Variants in MECOM observed in about 807,000 individuals in gnomAD.
The protein encoded by MECOM is MDS1 and EVI1 complex locus.
A neutral mutation model predicts 116.3 loss-of-function variants in MECOM; 13 were observed. The ratio of observed to expected loss-of-function variants is 0.11; its 90% CI spans 0.07 to 0.18. The LOEUF (loss-of-function observed/expected upper bound fraction) is 0.18, where lower values mean the gene tolerates loss of function less well. Among genes scored for constraint, MECOM ranks in the 10% least tolerant of loss-of-function variants. MECOM has a pLI of 1.00. For synonymous variants in MECOM, 528 were observed against 535.2 expected (o/e 0.99, Z 0.19); for missense variants, 1,299 against 1,509.0 (o/e 0.86, Z 2.31).
At chr3:169,550,894 G>A (rs1761310306) in intron 1 of MECOM, among the ~76,000 whole-genome samples, 1 of 90,494 alleles carries the variant, frequency 1.1e-5, no homozygotes, top group African/African-American at 3.4e-5. Context: ...CGGGATCTCG[G>A]CTCACTGCAA....
chr3:169,505,892 T>C (rs1321777861), intron 1 of MECOM, among the ~76,000 whole-genome samples: 1 of 152,204 alleles, frequency 6.6e-6, no homozygotes, highest in East Asian at 1.9e-4. Context: ...AGGCTCTCAC[T>C]GCCTCCTTTA....
intron 2 of MECOM, among the ~76,000 whole-genome samples, chr3:169,332,892 C>T: frequency 6.6e-6 from 1 of 152,052 alleles, no homozygotes; most frequent in East Asian, 1.9e-4. Flanking sequence ...TATGCTAACC[C>T]ATGCATGGAG....
At chr3:169,448,639 G>C (rs1273569731) in intron 1 of MECOM, among the ~76,000 whole-genome samples, 2 of 152,160 alleles carry the variant, frequency 1.3e-5, no homozygotes, top group Admixed American at 6.6e-5. Flanking sequence ...GGCCTGGGAA[G>C]AGGAGTTTGC....
At chr3:169,375,975 T>C (rs1295609170) in intron 2 of MECOM, among the ~76,000 whole-genome samples, 1 of 152,070 alleles carries the variant, frequency 6.6e-6, no homozygotes, top group Non-Finnish European at 1.5e-5. Flanking sequence ...AGAAAGCTTA[T>C]CCACTACGAT....
At chr3:169,146,758 G>A in intron 2 of MECOM, 1 of 1,182,830 alleles carries the variant, frequency 8.5e-7, no homozygotes, top group African/African-American at 1.6e-5. Context: ...AGCAATAATA[G>A]GCATTCACAG....
At chr3:169,341,443 A>G (rs1724502051) in intron 2 of MECOM, among the ~76,000 whole-genome samples, 1 of 151,358 alleles carries the variant, frequency 6.6e-6, no homozygotes, top group South Asian at 2.1e-4. Flanking sequence ...AAAAAAAAAA[A>G]AAAAAAACAC....
chr3:169,238,122 C>T (rs562796562), intron 2 of MECOM, among the ~76,000 whole-genome samples: 117 of 145,812 alleles, frequency 8.0e-4, no homozygotes, highest in African/African-American at 2.7e-3. Flanking sequence ...TTGGAGTGAG[C>T]TGAGATCATG....
rs1711933508 is a variant in MECOM, at chr3:169,281,277, G to C, written c.375+99910C>G. On this transcript the variant is annotated intron_variant, in intron 2 of 16. Coordinates refer to ENST00000651503, the MANE Select transcript of MECOM (RefSeq NM_004991.4). Reference sequence around the variant, plus strand: ...TCTGAGGAGTACTAACGTAGAGGAAGTATCTCTGGGTGTAGAAATAGCGGG... The same window carrying C: ...TCTGAGGAGTACTAACGTAGAGGAACTATCTCTGGGTGTAGAAATAGCGGG... Among the ~76,000 whole-genome samples the C allele has an allele frequency of 2.6e-5, 4 of 152,154 alleles. No individual in the cohort carries two copies. The South Asian group carries it at 8.3e-4, about 31-fold the overall frequency.
At chr3:169,454,222 A>T (rs1746086661) in intron 1 of MECOM, among the ~76,000 whole-genome samples, 1 of 152,174 alleles carries the variant, frequency 6.6e-6, no homozygotes, top group South Asian at 2.1e-4. Flanking sequence ...TGTTACAGAG[A>T]AATTGTTCAA....
chr3:169,302,003 G>A (rs1716801575), intron 2 of MECOM, among the ~76,000 whole-genome samples: 1 of 152,132 alleles, frequency 6.6e-6, no homozygotes, highest in South Asian at 2.1e-4. Context: ...TCAAAGAGGG[G>A]TTTTTAGTGA....
chr3:169,623,934 C>G (rs1005395300), intron 1 of MECOM: 9 of 152,198 alleles, frequency 5.9e-5, no homozygotes, highest in African/African-American at 2.2e-4. Flanking sequence ...ATTGCTTTCC[C>G]AAGCTGCTCA....
At chr3:169,197,852 G>A (rs1469268816) in intron 2 of MECOM, among the ~76,000 whole-genome samples, 4 of 151,996 alleles carry the variant, frequency 2.6e-5, no homozygotes, top group Non-Finnish European at 4.4e-5. Flanking sequence ...CCCTCAGAAA[G>A]AGGTAGCAAC....
chr3:169,194,710 G>A (rs749085192), intron 2 of MECOM, among the ~76,000 whole-genome samples: 1 of 152,020 alleles, frequency 6.6e-6, no homozygotes, highest in Non-Finnish European at 1.5e-5. Context: ...ATCACCAGGA[G>A]TCCTAGTGCC....
At position 169,250,429 on chromosome 3, in the gene MECOM, A is replaced by G. The variant is rs192318090; in HGVS notation, c.376-106597T>C. On this transcript the variant is annotated intron_variant, in intron 2 of 16. Transcript: ENST00000651503. ...GCTGAGGAACCCGCATACCAAGTGA[A>G]GACCTTTATGCAAAATGTAGAAACA... is the stretch of plus-strand genomic sequence containing the variant. 1.1e-3 allele frequency among the ~76,000 whole-genome samples: 165 copies of G among 152,312 alleles called. 1 individual carries two copies. The highest frequency in any genetic ancestry group is 3.9e-3 in the African/African-American group (163 of 41,564).
intron 2 of MECOM, chr3:169,146,143 T>A (rs1739825297): frequency 2.4e-6 from 2 of 839,084 alleles, no homozygotes; most frequent in Non-Finnish European, 3.0e-6. Context: ...AAAGATAGCT[T>A]AAAAAAAAAC....
chr3:169,152,378 A>G (rs181355798), intron 2 of MECOM, among the ~76,000 whole-genome samples: 21 of 152,224 alleles, frequency 1.4e-4, no homozygotes, highest in Admixed American at 7.8e-4. Context: ...CCACCTCAGT[A>G]ATTTGGTTCT....
chr3:169,436,585 C>T (rs1270511841), intron 1 of MECOM, among the ~76,000 whole-genome samples: 3 of 152,058 alleles, frequency 2.0e-5, no homozygotes, highest in Admixed American at 2.0e-4. Flanking sequence ...TTCTTCAATA[C>T]GATTTGGATT....
At chr3:169,610,412 A>G (rs2109814392) in intron 1 of MECOM, among the ~76,000 whole-genome samples, 1 of 152,280 alleles carries the variant, frequency 6.6e-6, no homozygotes, top group Admixed American at 6.5e-5. Flanking sequence ...ACCATGTGAC[A>G]TGCTCTTGTC....
At chr3:169,508,356 A>C (rs918061089) in intron 1 of MECOM, among the ~76,000 whole-genome samples, 1 of 152,184 alleles carries the variant, frequency 6.6e-6, no homozygotes, top group Non-Finnish European at 1.5e-5. Context: ...AAACTGGTGA[A>C]TGACACAAAA....
Sources: allele counts gnomAD v4.1 joint callset (sites outside exome capture counted in the v4.1 genomes callset), GRCh38; gene constraint gnomAD v4.1.1; transcripts MANE v1.5; gene names NCBI Gene and HGNC (gene_info 2026-07-23, HGNC 2026-07-21).